ZNF365: variants seen among roughly 807,000 people sequenced by gnomAD.
ZNF365 encodes protein ZNF365.
A neutral mutation model predicts 35.0 loss-of-function variants in ZNF365; 22 were observed. The observed-to-expected ratio is 0.63, with a 90% CI of 0.45 to 0.90. The LOEUF (loss-of-function observed/expected upper bound fraction) is 0.90, where lower values mean the gene tolerates loss of function less well. ZNF365 is among the 40% of genes least tolerant of loss of function. ZNF365 has a pLI of 0.00. For synonymous variants in ZNF365, 188 were observed against 196.2 expected (o/e 0.96, Z 0.35); for missense variants, 448 against 500.3 (o/e 0.90, Z 1.00).
downstream of ZNF365, among the ~76,000 whole-genome samples, chr10:62,402,744 A>G (rs1839849741): frequency 6.6e-6 from 1 of 152,146 alleles, no homozygotes; most frequent in African/African-American, 2.4e-5. Context: ...CCTACACTGT[A>G]TTTTTAAACT....
chr10:62,397,066 C>T (rs556589143), intron 3 of ZNF365, among the ~76,000 whole-genome samples: 333 of 152,330 alleles, frequency 2.2e-3, no homozygotes, highest in African/African-American at 7.5e-3. Context: ...ACCAGCCTGG[C>T]GTTTGCCGGA....
chr10:62,413,037 AC>A lies in ZNF365; in HGVS notation c.924+24462del, dbSNP rs1840010532. Reference sequence around the variant, plus strand: ...GGCAACTCTCCCTCCTCAAGTGGTAACAAAAACTCCTCTGAGATTACTGTAT... The same window carrying A: ...GGCAACTCTCCCTCCTCAAGTGGTAAAAAAACTCCTCTGAGATTACTGTAT... On this transcript the variant is annotated intron_variant, in intron 3 of 4. Transcript: ENST00000395255. Among the ~76,000 whole-genome samples the A allele has an allele frequency of 2.0e-5, 3 of 152,312 alleles. No homozygotes were observed. The South Asian group carries it at 6.2e-4, about 32-fold the overall frequency.
chr10:62,439,084 C>T (rs1394208053), intron 3 of ZNF365, among the ~76,000 whole-genome samples: 1 of 152,140 alleles, frequency 6.6e-6, no homozygotes, highest in East Asian at 1.9e-4. Context: ...TATCACCTTG[C>T]TGTTGTTGAT....
intron 3 of ZNF365, chr10:62,459,708 T>A: frequency 6.3e-7 from 1 of 1,593,462 alleles, no homozygotes; most frequent in Non-Finnish European, 8.6e-7. Flanking sequence ...ACTAGCTCCA[T>A]TCATGATGGC....
At chr10:62,470,303 A>G (rs1841013299) in intron 4 of ZNF365, among the ~76,000 whole-genome samples, 1 of 152,210 alleles carries the variant, frequency 6.6e-6, no homozygotes. Flanking sequence ...CTGCACTCAC[A>G]GTTGTCCCCA....
intron 3 of ZNF365, among the ~76,000 whole-genome samples, chr10:62,435,489 C>T (rs532181714): frequency 4.6e-5 from 7 of 152,136 alleles, no homozygotes; most frequent in Non-Finnish European, 1.0e-4. Flanking sequence ...CAAGGCTCTC[C>T]ACCCTAAATG....
chr10:62,479,880 C>G, exon 5 of ZNF365: 1 of 1,611,810 alleles, frequency 6.2e-7, no homozygotes, highest in South Asian at 1.1e-5. Flanking sequence ...GACTAGGAGT[C>G]TGCGATTGTG....
chr10:62,463,534 C>T (rs928477821), intron 4 of ZNF365, among the ~76,000 whole-genome samples: 2 of 152,228 alleles, frequency 1.3e-5, no homozygotes, highest in African/African-American at 4.8e-5. Flanking sequence ...TGGTACATGA[C>T]AGGATGCAGA....
chr10:62,418,572 A>C (rs189905359), intron 3 of ZNF365, among the ~76,000 whole-genome samples: 1 of 150,406 alleles, frequency 6.6e-6, no homozygotes, highest in East Asian at 2.0e-4. Context: ...TGATTCTAGA[A>C]AAAGTCAATT....
chr10:62,417,900 G>A (rs77151179), intron 3 of ZNF365, among the ~76,000 whole-genome samples: 2,607 of 151,908 alleles, frequency 0.017, 61 homozygotes, highest in East Asian at 0.087. Context: ...ATTTACAAAA[G>A]GAAGCAATGA....
chr10:62,404,656 G>A (rs904183338), downstream of ZNF365, among the ~76,000 whole-genome samples: 2 of 152,124 alleles, frequency 1.3e-5, no homozygotes, highest in African/African-American at 4.8e-5. Flanking sequence ...AAGGGTTAGG[G>A]ACACCGACTC....
chr10:62,412,586 A>G (rs1339835695), intron 3 of ZNF365, among the ~76,000 whole-genome samples: 2 of 152,158 alleles, frequency 1.3e-5, no homozygotes, highest in African/African-American at 4.8e-5. Flanking sequence ...GCAAAGTCTC[A>G]GGATACAAAA....
chr10:62,439,272 A>G (rs1223021830), intron 3 of ZNF365, among the ~76,000 whole-genome samples: 3 of 150,306 alleles, frequency 2.0e-5, no homozygotes, highest in Non-Finnish European at 4.4e-5. Flanking sequence ...CTCTCTTTAC[A>G]TTTTCCTCAT....
At chr10:62,409,161 A>G (rs1247968750) in intron 3 of ZNF365, among the ~76,000 whole-genome samples, 1 of 152,168 alleles carries the variant, frequency 6.6e-6, no homozygotes, top group East Asian at 1.9e-4. Flanking sequence ...TTCGGTCCAA[A>G]GGAATTAACT....
At chr10:62,449,873 G>C in intron 3 of ZNF365, among the ~76,000 whole-genome samples, 1 of 138,890 alleles carries the variant, frequency 7.2e-6, no homozygotes, top group South Asian at 2.3e-4. Context: ...AATAAATCTT[G>C]ACTGACCAGA....
intron 3 of ZNF365, among the ~76,000 whole-genome samples, chr10:62,457,964 T>C (rs1840786951): frequency 6.6e-6 from 1 of 152,186 alleles, no homozygotes; most frequent in African/African-American, 2.4e-5. Flanking sequence ...CCAAATACCA[T>C]ACAACAAGCC....
At chr10:62,409,545 G>A (rs1163706184) in intron 3 of ZNF365, among the ~76,000 whole-genome samples, 1 of 152,036 alleles carries the variant, frequency 6.6e-6, no homozygotes, top group African/African-American at 2.4e-5. Context: ...ATTCCAGTTG[G>A]GCTGTAATGA....
At position 62,401,037 on chromosome 10, in the gene ZNF365, T is replaced by G; in HGVS notation, c.*1248T>G. The G allele has an allele frequency of 1.0e-6, 1 of 985,544 alleles. No homozygotes were observed. The highest frequency in any genetic ancestry group is 1.2e-6 in the Non-Finnish European group (1 of 829,914). 61.0% of individuals were successfully genotyped at this position (985,544 alleles called of 1,614,324 possible). On this transcript the variant is annotated 3_prime_UTR_variant, in exon 5 of 5. Transcript: ENST00000395254. ...AAGAATGAATTTCCATGTTATTTTT[T>G]CCTTAAATTTAGCAATATCATCAGG...
At chr10:62,470,916 T>C (rs1280832862) in intron 4 of ZNF365, among the ~76,000 whole-genome samples, 1 of 152,178 alleles carries the variant, frequency 6.6e-6, no homozygotes, top group African/African-American at 2.4e-5. Flanking sequence ...TTTTTATAAT[T>C]TCATTAACAT....
Sources: gnomAD v4.1 joint callset for allele counts (sites outside exome capture counted in the v4.1 genomes callset) on GRCh38, gnomAD v4.1.1 for gene constraint, MANE v1.5 for transcripts, NCBI Gene and HGNC (gene_info 2026-07-23, HGNC 2026-07-21) for gene names.